The following ODAD3 variants were observed in gnomAD, a reference collection of about 807,000 sequenced individuals.
The protein encoded by ODAD3 is outer dynein arm-docking complex subunit 3.
In ODAD3, 57 loss-of-function variants were observed where a neutral mutation model predicts 70.9. That is an observed-to-expected ratio of 0.80 (90% CI 0.65 to 1.00). The LOEUF is 1.00. Ranked by LOEUF, ODAD3 falls within the 50% of genes least tolerant of loss-of-function variation. ODAD3 has a pLI of 0.00. For missense variants in ODAD3, 797 were observed against 763.9 expected (o/e 1.04, Z -0.51); for synonymous variants, 327 against 315.9 (o/e 1.04, Z -0.37).
rs750661034 is a variant in ODAD3 at position 11,426,206 on chromosome 19, T to A, written c.901A>T (p.Ile301Leu). The part of the protein sequence containing the change: ...VRERKKRERY[I>L]SECKKRAEEK... Reference sequence around the variant, plus strand: ...TCGGCGCGCTTCTTGCACTCACTTATGTAGCGTTCCCGCTTCTTGCGCTCT... The same window carrying A: ...TCGGCGCGCTTCTTGCACTCACTTAAGTAGCGTTCCCGCTTCTTGCGCTCT... The change falls in exon 7 of 13, where the codon ATA becomes TTA. Residue 301 changes from isoleucine (I) to leucine (L), a missense_variant. Physicochemically the swap from Ile to Leu is conservative, Grantham distance 5 (BLOSUM62 2). Transcript: ENST00000356392. The A allele has an allele frequency of 6.2e-7, 1 of 1,613,904 alleles. No homozygotes were observed. Among genetic ancestry groups the A allele is most frequent in the Non-Finnish European group, 8.5e-7 (1 of 1,179,932 alleles).
Position 11,425,345 on chromosome 19 carries a change from ATATATGTG to A in ODAD3, c.963+791_963+798del, listed in dbSNP as rs1425542145. 6.5e-3 allele frequency among the ~76,000 whole-genome samples: 847 copies of A among 130,976 alleles called. 62 individuals carry two copies. The highest frequency in any genetic ancestry group is 0.057 in the Admixed American group (753 of 13,324). 85.9% of individuals were successfully genotyped at this position (130,976 alleles called of 152,430 possible). On this transcript the variant is annotated intron_variant, in intron 7 of 12. Transcript: ENST00000356392. ...TATATGTACATATGTGTATATATGTATATATGTGTATATGTACATATGTGTATATATGT... is the reference window on the plus strand; with the variant it reads ...TATATGTACATATGTGTATATATGTATATATGTACATATGTGTATATATGT...
At chr19:11,425,189 A>ATGTGTATATG in intron 7 of ODAD3, among the ~76,000 whole-genome samples, 3 of 110,912 alleles carry the variant, frequency 2.7e-5, no homozygotes, top group African/African-American at 1.9e-4. Flanking sequence ...ATGTGTATAT[A>ATGTGTATATG]TACATATGTG....
rs755321702 is a variant in ODAD3, at chr19:11,426,886, G to A, written c.599C>T (p.Thr200Met). 9.9e-6 allele frequency: 16 copies of A among 1,609,226 alleles called. No individual in the cohort carries two copies. The Admixed American group carries it at 1.2e-4, about 12-fold the overall frequency. ...LEMAEAQNRH[T>M]EVAKTMRNLE... is the part of the protein sequence containing the mutation. The stretch of plus-strand genomic sequence containing the variant: ...ACCCGCCCCTACCTTGGCCACCTCC[G>A]TGTGTCTGTTTTGCGCCTCCGCCAT... The change falls in exon 4 of 13, where the codon ACG (threonine) becomes ATG (methionine). Residue 200 changes from threonine (T) to methionine (M), a missense_variant. Transcript: ENST00000356392.
intron 7 of ODAD3, among the ~76,000 whole-genome samples, chr19:11,425,279 A>G (rs1003315950): frequency 2.5e-4 from 35 of 140,620 alleles, no homozygotes; most frequent in South Asian, 4.3e-4. Context: ...ATATGTGTGT[A>G]TATGTACATA....
intron 7 of ODAD3, 79 bp downstream of exon 7, chr19:11,426,065 G>A (rs1172912513): frequency 6.5e-7 from 1 of 1,537,116 alleles, no homozygotes; most frequent in Non-Finnish European, 8.7e-7. Flanking sequence ...GAAGGCCTAG[G>A]ATGAGGGAGA....
intron 3 of ODAD3, among the ~76,000 whole-genome samples, chr19:11,427,573 C>A (rs1465570111): frequency 2.0e-5 from 3 of 151,230 alleles, no homozygotes; most frequent in Admixed American, 2.0e-4. Context: ...CTTCCATCTC[C>A]TAGGTTCAAG....
At chr19:11,425,367 GTGTA>G (rs1969312784) in intron 7 of ODAD3, among the ~76,000 whole-genome samples, 2 of 121,412 alleles carry the variant, frequency 1.6e-5, no homozygotes, top group African/African-American at 6.4e-5. Flanking sequence ...ATGTACATAT[GTGTA>G]TATATGTGTG....
intron 1 of ODAD3, among the ~76,000 whole-genome samples, chr19:11,431,761 C>T (rs1969508068): frequency 6.7e-6 from 1 of 148,994 alleles, no homozygotes; most frequent in African/African-American, 2.5e-5. Flanking sequence ...AGTGAAATCC[C>T]GCCTCTACTA....
rs773430216 is a variant in ODAD3 at position 11,420,998 on chromosome 19, A to G, written c.1676-51T>C. Reference sequence around the variant, plus strand: ...GGAGCGATGTGGGATCCAGGTCCCCATCCCTGGCTCCCCTTCCCTTTACCA... The same window carrying G: ...GGAGCGATGTGGGATCCAGGTCCCCGTCCCTGGCTCCCCTTCCCTTTACCA... On this transcript the variant is annotated intron_variant, in intron 12 of 12. Coordinates refer to ENST00000356392, the MANE Select transcript of ODAD3 (RefSeq NM_145045.5). 3.8e-6 allele frequency: 6 copies of G among 1,584,810 alleles called. No homozygotes were observed. In the South Asian group the frequency reaches 6.6e-5, roughly 18 times the overall value.
chr19:11,421,827 GTCC>G lies in ODAD3; in HGVS notation c.1437_1439del (p.Glu479del). 1 of 1,612,224 alleles carries G rather than the reference GTCC, an allele frequency of 6.2e-7. No homozygotes were observed. The highest frequency in any genetic ancestry group is 1.7e-5 in the Admixed American group (1 of 59,982). On this transcript the variant is annotated inframe_deletion and splice_region_variant, in exon 11 of 13. Transcript: ENST00000356392. ...CCAGCTCCTTTCCCGCGAAGCGGCC[GTCC>G]TCCTGCGGCCAGGGTAGAGCCGGGT...
chr19:11,424,990 C>CATATGTGTATATGTAT, intron 7 of ODAD3, among the ~76,000 whole-genome samples: 1 of 98,080 alleles, frequency 1.0e-5, no homozygotes, highest in East Asian at 3.0e-4. Context: ...TGTATATGTA[C>CATATGTGTATATGTAT]ATATGTGTAT....
At position 11,423,931 on chromosome 19, in the gene ODAD3, C is replaced by A. The variant is rs777563749; in HGVS notation, c.1062G>T (p.Gln354His). 4.3e-6 allele frequency: 7 copies of A among 1,613,458 alleles called. No homozygotes were observed. Among genetic ancestry groups the A allele is most frequent in the Non-Finnish European group, 5.9e-6 (7 of 1,179,958 alleles). ...EELRQRWSMYQMEVIFGKVKD... is the reference protein window; with the variant it reads ...EELRQRWSMYHMEVIFGKVKD... ...TGACCTTGCCAAAGATCACCTCCAT[C>A]TGGTACATGCTCCAGCGCTGCCGCA... The change falls in exon 8 of 13, where the codon CAG becomes CAT. Residue 354 changes from glutamine (Q) to histidine (H), a missense_variant. Coordinates refer to ENST00000356392, the MANE Select transcript of ODAD3 (RefSeq NM_145045.5).
rs1475812444 is a variant in ODAD3 at position 11,435,044 on chromosome 19, G to C, written c.-28C>G. The C allele has an allele frequency of 1.3e-6, 2 of 1,576,448 alleles. No individual in the cohort carries two copies. Among genetic ancestry groups the C allele is most frequent in the South Asian group, 2.2e-5 (2 of 90,072 alleles). ...TGGGGTTGGGGCTGAAGGCCCCTAG[G>C]GGTTAGGGGGATAACTAGGAGTCAG... On this transcript the variant is annotated 5_prime_UTR_variant, in exon 1 of 13. Transcript: ENST00000356392.
intron 7 of ODAD3, among the ~76,000 whole-genome samples, chr19:11,425,339 A>G (rs973661380): frequency 1.4e-4 from 17 of 122,722 alleles, no homozygotes; most frequent in African/African-American, 2.4e-4. Flanking sequence ...ATATGTGTAT[A>G]TATGTATATA....
chr19:11,421,808 C>G lies in ODAD3; in HGVS notation c.1459G>C (p.Glu487Gln), dbSNP rs1180448834. Residue 487 changes from glutamate (E) to glutamine (Q), a missense_variant, in exon 11 of 13, where the codon GAG becomes CAG. Coordinates refer to ENST00000356392, the MANE Select transcript of ODAD3 (RefSeq NM_145045.5). The part of the protein sequence containing the change: ...TVEDGRFAGK[E>Q]LDPQADNYVP... ...TAGTTATCTGCCTGGGGATCCAGCT[C>G]CTTTCCCGCGAAGCGGCCGTCCTCC... 1.2e-6 allele frequency: 2 copies of G among 1,613,122 alleles called. No individual in the cohort carries two copies. Among genetic ancestry groups the G allele is most frequent in the South Asian group, 2.2e-5 (2 of 91,086 alleles).
Position 11,434,667 on chromosome 19 carries a change from A to G in ODAD3, c.244+106T>C, listed in dbSNP as rs1196259112. On this transcript the variant is annotated intron_variant, in intron 1 of 12. Transcript: ENST00000356392. ...GAACTAAGTATGAGTTTTTGCCCAG[A>G]AACGGTTTACCTAGACTCATGCTGG... 20 of 1,432,136 alleles carry G rather than the reference A, an allele frequency of 1.4e-5. No homozygotes were observed. The Admixed American group carries it at 2.0e-4, about 15-fold the overall frequency. 88.7% of individuals were successfully genotyped at this position (1,432,136 alleles called of 1,614,324 possible).
At chr19:11,421,460 C>T (rs1336195092) in intron 11 of ODAD3, among the ~76,000 whole-genome samples, 1 of 152,196 alleles carries the variant, frequency 6.6e-6, no homozygotes, top group Non-Finnish European at 1.5e-5. Context: ...CCAGCCGCGT[C>T]CTCTAGCCTC....
chr19:11,425,375 A>ATATG (rs1969314306), intron 7 of ODAD3, among the ~76,000 whole-genome samples: 1 of 124,620 alleles, frequency 8.0e-6, no homozygotes, highest in Non-Finnish European at 1.6e-5. Context: ...ATGTGTATAT[A>ATATG]TGTGTGTATG....
rs935260123 is a variant in ODAD3 at position 11,422,889 on chromosome 19, C to G, written c.1117-28G>C. ...GCGGGCCACCCAGCCCCAGTCAGAG[C>G]CAGGGCCTAGGGAGCGTAGGGGCGC... On this transcript the variant is annotated intron_variant, in intron 8 of 12. Transcript: ENST00000356392. This position sits in a 1 kb window ranked among gnomAD's most constrained non-coding sequence, Gnocchi z 4.6. 1.5e-5 allele frequency: 24 copies of G among 1,596,590 alleles called. No individual in the cohort carries two copies. Among genetic ancestry groups the G allele is most frequent in the Non-Finnish European group, 2.0e-5 (24 of 1,177,672 alleles).
Sources: allele counts gnomAD v4.1 joint callset (sites outside exome capture counted in the v4.1 genomes callset), GRCh38; gene constraint gnomAD v4.1.1; non-coding constraint Gnocchi (gnomAD v3.1); transcripts MANE v1.5; gene names NCBI Gene and HGNC (gene_info 2026-07-23, HGNC 2026-07-21).